The following KIR2DL1 variants were observed in gnomAD, a reference collection of about 807,000 sequenced individuals.
KIR2DL1 encodes the protein killer cell immunoglobulin-like receptor 2DL1.
KIR2DL1 carries 38 observed loss-of-function variants against 33.9 expected under a neutral mutation model. The observed-to-expected ratio is 1.12, with a 90% CI of 0.86 to 1.47. The LOEUF is 1.47. KIR2DL1 is among the 40% of genes most tolerant of loss of function. KIR2DL1 has a pLI of 0.00. For missense variants in KIR2DL1, 531 were observed against 433.9 expected (o/e 1.22, Z -1.99); for synonymous variants, 179 against 165.9 (o/e 1.08, Z -0.61).
At position 54,775,249 on chromosome 19, in the gene KIR2DL1, G is replaced by T. The variant is rs772656584; in HGVS notation, c.455G>T (p.Arg152Leu). The change falls in exon 4 of 8, where the codon CGG (arginine) becomes CTG (leucine). Residue 152 changes from arginine (R) to leucine (L), a missense_variant. Coordinates refer to ENST00000336077, the MANE Select transcript of KIR2DL1 (RefSeq NM_014218.3). ...AATGTGACCTTGTCCTGCAGCTCCCGGAGCTCCTATGACATGTACCATCTA... is the reference window on the plus strand; with the variant it reads ...AATGTGACCTTGTCCTGCAGCTCCCTGAGCTCCTATGACATGTACCATCTA... ...GENVTLSCSS[R>L]SSYDMYHLSR... The T allele has an allele frequency of 8.7e-6, 14 of 1,602,966 alleles. 3 individuals are homozygous for T. The highest frequency in any genetic ancestry group is 8.5e-7 in the Non-Finnish European group (1 of 1,172,198).
intron 2 of KIR2DL1, among the ~76,000 whole-genome samples, chr19:54,771,446 T>C (rs1417459456): frequency 6.8e-6 from 1 of 148,056 alleles, no homozygotes; most frequent in Non-Finnish European, 1.5e-5. Flanking sequence ...ACTTTTGTTG[T>C]AGGGAGACAC....
rs191516306 is a variant in KIR2DL1, at chr19:54,777,698, G to C, written c.665-914G>C. 6.9e-3 allele frequency among the ~76,000 whole-genome samples: 1,004 copies of C among 146,442 alleles called. 29 individuals carry two copies. The highest frequency in any genetic ancestry group is 0.017 in the Middle Eastern group (5 of 286). ...GAGGTAATCCCAATGGTCTATTTTTGCTTCGATTACTTGTGTTTTGAAGGT... is the reference window on the plus strand; with the variant it reads ...GAGGTAATCCCAATGGTCTATTTTTCCTTCGATTACTTGTGTTTTGAAGGT... On this transcript the variant is annotated intron_variant, in intron 4 of 7. Transcript: ENST00000336077.
At chr19:54,776,548 G>A (rs577673918) in intron 4 of KIR2DL1, among the ~76,000 whole-genome samples, 9 of 146,758 alleles carry the variant, frequency 6.1e-5, no homozygotes, top group Non-Finnish European at 9.1e-5. Flanking sequence ...CCAATCATAC[G>A]AGTGCAGATA....
Position 54,775,104 on chromosome 19 carries a change from A to G in KIR2DL1, c.371-61A>G, listed in dbSNP as rs1460192798. The G allele has an allele frequency of 3.3e-6, 5 of 1,501,470 alleles. 1 individual carries two copies. The highest frequency in any genetic ancestry group is 4.5e-6 in the Non-Finnish European group (5 of 1,106,840). The allele number at this position is 1,501,470 out of a possible 1,614,324, so 93.0% of individuals were successfully genotyped here. A position where few individuals can be genotyped will look rare whatever the true frequency, so the allele number is the denominator to read the frequency against. ...GAACAGGGGAGTGAGTTCTCAGCTCAGGTGAAGGGAGCTGTGACAAAGAAG... is the reference window on the plus strand; with the variant it reads ...GAACAGGGGAGTGAGTTCTCAGCTCGGGTGAAGGGAGCTGTGACAAAGAAG... On this transcript the variant is annotated intron_variant, in intron 3 of 7. Transcript: ENST00000336077.
At position 54,770,356 on chromosome 19, in the gene KIR2DL1, A is replaced by T. The variant is rs1453776529; in HGVS notation, c.34+472A>T. On this transcript the variant is annotated intron_variant, in intron 1 of 7. Transcript: ENST00000336077. ...GTGGAGATATGGGCCAGGAGTGGAG[A>T]TATGGGCCTAGAGGTCGATATCTGG... Among the ~76,000 whole-genome samples, 25 of 138,138 alleles carry T rather than the reference A, an allele frequency of 1.8e-4. 2 individuals are homozygous for T. The Admixed American group carries it at 1.8e-3, about 10-fold the overall frequency. 90.6% of individuals were successfully genotyped at this position (138,138 alleles called of 152,430 possible).
intron 5 of KIR2DL1, among the ~76,000 whole-genome samples, chr19:54,781,429 A>G (rs1238196864): frequency 6.9e-6 from 1 of 145,324 alleles, no homozygotes; most frequent in Non-Finnish European, 1.5e-5. Context: ...GGTCATCACA[A>G]AAAAAACTTG....
At chr19:54,777,012 C>A (rs1460615175) in intron 4 of KIR2DL1, among the ~76,000 whole-genome samples, 8 of 151,726 alleles carry the variant, frequency 5.3e-5, no homozygotes, top group African/African-American at 1.9e-4. Context: ...CTCCTCCCAA[C>A]AGGGTACCAG....
In KIR2DL1 at chr19:54,770,344, C is replaced by T. The variant is rs1324086669; in HGVS notation, c.34+460C>T. Among the ~76,000 whole-genome samples the T allele has an allele frequency of 4.9e-5, 7 of 142,312 alleles. 1 individual carries two copies. The East Asian group carries it at 1.0e-3, about 21-fold the overall frequency. The allele number at this position is 142,312 out of a possible 152,430, so 93.4% of individuals were successfully genotyped here. On this transcript the variant is annotated intron_variant, in intron 1 of 7. Transcript: ENST00000336077. ...TCTGGGCCTGGAGTGGAGATATGGG[C>T]CAGGAGTGGAGATATGGGCCTAGAG...
intron 4 of KIR2DL1, among the ~76,000 whole-genome samples, chr19:54,777,657 T>A (rs4806557): frequency 0.29 from 31,598 of 109,040 alleles, 4,454 homozygotes; most frequent in South Asian, 0.41. Flanking sequence ...TTAGCAGTGC[T>A]GAAGTTGCTT....
chr19:54,782,835 G>T lies in KIR2DL1; in HGVS notation c.716-87G>T. ...CTTGTCCTAAAGAGGTGTTTTATGTGGTTACCTGTCAATCAAGAAATGCGA... is the reference window on the plus strand; with the variant it reads ...CTTGTCCTAAAGAGGTGTTTTATGTTGTTACCTGTCAATCAAGAAATGCGA... On this transcript the variant is annotated intron_variant, in intron 5 of 7. Transcript: ENST00000336077. 9 of 1,445,960 alleles carry T rather than the reference G, an allele frequency of 6.2e-6. No homozygotes were observed. In the South Asian group the frequency reaches 1.0e-4, roughly 16 times the overall value. The allele number at this position is 1,445,960 out of a possible 1,614,324, so 89.6% of individuals were successfully genotyped here. A position where few individuals can be genotyped will look rare whatever the true frequency, so the allele number is the denominator to read the frequency against.
chr19:54,781,335 CT>C (rs1235433892), intron 5 of KIR2DL1, among the ~76,000 whole-genome samples: 2 of 149,862 alleles, frequency 1.3e-5, no homozygotes, highest in African/African-American at 4.9e-5. Flanking sequence ...CCCTATTTGG[CT>C]TTCTGTGAGC....
intron 3 of KIR2DL1, among the ~76,000 whole-genome samples, chr19:54,773,874 G>A (rs1217495092): frequency 1.3e-5 from 2 of 148,504 alleles, no homozygotes; most frequent in Non-Finnish European, 3.0e-5. Flanking sequence ...AGAGTTAAAG[G>A]AGACACACAG....
At position 54,782,935 on chromosome 19, in the gene KIR2DL1, C is replaced by T. The variant is rs755056348; in HGVS notation, c.729C>T (p.His243=). The T allele has an allele frequency of 1.5e-5, 25 of 1,613,628 alleles. No homozygotes were observed. The African/African-American group carries it at 2.8e-4, about 18-fold the overall frequency. Residue 243 remains histidine, a synonymous_variant, in exon 6 of 8, where the codon CAC becomes CAT. Transcript: ENST00000336077. ...ATCTTCTTCCAGGTAACCCCCGACA[C>T]CTGCACATTCTGATTGGGACCTCAG... ...EPSSKTGNPR[H]LHILIGTSVV...
chr19:54,781,888 C>T (rs1203574518), intron 5 of KIR2DL1, among the ~76,000 whole-genome samples: 1 of 151,872 alleles, frequency 6.6e-6, no homozygotes, highest in Non-Finnish European at 1.5e-5. Context: ...TGAATCAATC[C>T]CAGTCCAGTC....
chr19:54,781,322 C>T (rs2076907784), intron 5 of KIR2DL1, among the ~76,000 whole-genome samples: 1 of 149,650 alleles, frequency 6.7e-6, no homozygotes, highest in Non-Finnish European at 1.5e-5. Context: ...CCTAAAACCT[C>T]TTCCCTATTT....
chr19:54,780,540 G>A (rs1452871012), intron 5 of KIR2DL1, among the ~76,000 whole-genome samples: 2 of 144,232 alleles, frequency 1.4e-5, no homozygotes, highest in Non-Finnish European at 3.1e-5. Flanking sequence ...TCACCTCGGG[G>A]TAACCAGGAA....
chr19:54,774,979 G>A (rs1294468867), intron 3 of KIR2DL1, among the ~76,000 whole-genome samples, 186 bp from the exon 4 acceptor site: 1 of 148,014 alleles, frequency 6.8e-6, no homozygotes, highest in African/African-American at 2.5e-5. Flanking sequence ...GGGAAGTGAG[G>A]TCAGAGACCT....
intron 4 of KIR2DL1, among the ~76,000 whole-genome samples, chr19:54,776,790 A>G (rs140999166): frequency 0.14 from 14,481 of 104,674 alleles, 6 homozygotes; most frequent in South Asian, 0.23. Context: ...ACAGGTGCAC[A>G]CCACCATGCC....
chr19:54,783,137 C>T, intron 6 of KIR2DL1, 114 bp downstream of exon 6: 3 of 1,249,260 alleles, frequency 2.4e-6, no homozygotes, highest in Non-Finnish European at 3.5e-6. Flanking sequence ...AAGGCAGCAG[C>T]CACAGAGGCA....
Sources: allele counts gnomAD v4.1 joint callset (sites outside exome capture counted in the v4.1 genomes callset), GRCh38; gene constraint gnomAD v4.1.1; transcripts MANE v1.5; gene names NCBI Gene and HGNC (gene_info 2026-07-23, HGNC 2026-07-21).